Variants in NFS1 observed in about 807,000 individuals in gnomAD.
The protein encoded by NFS1 is NFS1 cysteine desulfurase.
Under a neutral mutation model 57.3 loss-of-function variants are expected in NFS1, and 26 were observed. That is an observed-to-expected ratio of 0.45 (90% CI 0.33 to 0.63). NFS1 has a LOEUF of 0.63. Among genes scored for constraint, NFS1 ranks in the 20% least tolerant of loss-of-function variants. The pLI, the probability that NFS1 is intolerant of heterozygous loss-of-function variation, is 0.02. For missense variants in NFS1, 505 were observed against 605.8 expected (o/e 0.83, Z 1.75); for synonymous variants, 209 against 216.3 (o/e 0.97, Z 0.30).
rs749792692 is a variant in NFS1, at chr20:35,696,350, A to G, written c.408+27T>C. 15 of 1,533,726 alleles carry G rather than the reference A, an allele frequency of 9.8e-6. No homozygotes were observed. The South Asian group carries it at 1.6e-4, about 16-fold the overall frequency. ...TATCTCCTAGGTCAGGAAAGCCCAC[A>G]TACACCCTCTGGTTCCCTTCTCTTA... On this transcript the variant is annotated intron_variant, in intron 4 of 12. Transcript: ENST00000374092.
At chr20:35,674,798 T>A (rs764570752) in intron 8 of NFS1, 181 bp from the exon 9 acceptor site, 12 of 678,218 alleles carry the variant, frequency 1.8e-5, no homozygotes, top group Non-Finnish European at 2.7e-5. Context: ...CAAAAGGCGC[T>A]TGATAACTGG....
At chr20:35,673,776 T>G in intron 10 of NFS1, 92 bp from the exon 11 acceptor site, 3 of 953,832 alleles carry the variant, frequency 3.1e-6, no homozygotes, top group Non-Finnish European at 5.0e-6. Flanking sequence ...CCCAGGGCCC[T>G]GGAGTCATAC....
Position 35,669,593 on chromosome 20 carries a change from G to C in NFS1, c.*29C>G, listed in dbSNP as rs199590926. 15 of 1,609,094 alleles carry C rather than the reference G, an allele frequency of 9.3e-6. No homozygotes were observed. The East Asian group carries it at 2.7e-4, about 29-fold the overall frequency. The stretch of plus-strand genomic sequence containing the variant: ...CGGGTTGGTGAGGCAGGAGGGGCCA[G>C]ACCAGCACAAAGTCAGGGCCCTATT... On this transcript the variant is annotated 3_prime_UTR_variant, in exon 13 of 13. Coordinates refer to ENST00000374092, the MANE Select transcript of NFS1 (RefSeq NM_021100.5).
At chr20:35,695,279 G>C (rs775372462) in intron 4 of NFS1, among the ~76,000 whole-genome samples, 15 of 152,236 alleles carry the variant, frequency 9.9e-5, no homozygotes, top group Non-Finnish European at 2.2e-4. Context: ...CAGGCAGAGT[G>C]CTGATGACCC....
rs752603906 is a variant in NFS1, at chr20:35,669,566, C to T, written c.*56G>A. 2.6e-6 allele frequency: 4 copies of T among 1,524,240 alleles called. No individual in the cohort carries two copies. Among genetic ancestry groups the T allele is most frequent in the Non-Finnish European group, 3.6e-6 (4 of 1,098,380 alleles). The allele number at this position is 1,524,240 out of a possible 1,614,324, so 94.4% of individuals were successfully genotyped here. ...AGGTGTAACAAGGTGTCTGGTTGTG[C>T]ACGGGTTGGTGAGGCAGGAGGGGCC... On this transcript the variant is annotated 3_prime_UTR_variant, in exon 13 of 13. Coordinates refer to ENST00000374092, the MANE Select transcript of NFS1 (RefSeq NM_021100.5).
At chr20:35,684,987 A>G (rs2146425967) in intron 5 of NFS1, among the ~76,000 whole-genome samples, 1 of 151,486 alleles carries the variant, frequency 6.6e-6, no homozygotes, top group South Asian at 2.1e-4. Context: ...CCCAGGTTCA[A>G]GTGGTTCTCC....
intron 5 of NFS1, among the ~76,000 whole-genome samples, chr20:35,683,406 C>T (rs530228967): frequency 1.7e-3 from 252 of 149,234 alleles, no homozygotes; most frequent in African/African-American, 6.0e-3. Context: ...CGCTTGAACC[C>T]GGGGGGCAGA....
intron 5 of NFS1, among the ~76,000 whole-genome samples, chr20:35,687,166 C>T (rs1255481468): frequency 6.6e-6 from 1 of 152,058 alleles, no homozygotes; most frequent in African/African-American, 2.4e-5. Flanking sequence ...CCCCTTTCCC[C>T]GGGGGAGTTT....
intron 1 of NFS1, 110 bp from the exon 2 acceptor site, chr20:35,698,700 G>T: frequency 6.9e-7 from 1 of 1,442,404 alleles, no homozygotes; most frequent in South Asian, 1.5e-5. Context: ...AAGTGTAAGG[G>T]ATGCTAGGGT....
At chr20:35,690,310 T>C in intron 5 of NFS1, 103 bp downstream of exon 5, 1 of 1,094,878 alleles carries the variant, frequency 9.1e-7, no homozygotes, top group Admixed American at 2.1e-5. Flanking sequence ...ATCCTAACTG[T>C]TAGATCTATT....
chr20:35,696,556 C>T (rs2035137256), intron 3 of NFS1, 96 bp from the exon 4 acceptor site: 5 of 814,654 alleles, frequency 6.1e-6, no homozygotes, highest in African/African-American at 3.4e-5. Context: ...AGAAGAGCTC[C>T]ACTGCATTCC....
chr20:35,686,885 T>A lies in NFS1; in HGVS notation c.561+3528A>T, dbSNP rs182131518. On this transcript the variant is annotated intron_variant, in intron 5 of 12. Coordinates refer to ENST00000374092, the MANE Select transcript of NFS1 (RefSeq NM_021100.5). ...ATTAGTTTGTAGTGATTACTCTTTA[T>A]TCTAATATTATAATAATCCTCGCTC... Among the ~76,000 whole-genome samples, 14 of 152,264 alleles carry A rather than the reference T, an allele frequency of 9.2e-5. No homozygotes were observed. The East Asian group carries it at 2.3e-3, about 25-fold the overall frequency.
intron 4 of NFS1, chr20:35,694,990 A>C (rs890340939): frequency 6.6e-6 from 1 of 152,140 alleles, no homozygotes; most frequent in Non-Finnish European, 1.5e-5. Flanking sequence ...CCACCCACCC[A>C]CCTTATTTTA....
chr20:35,690,357 A>G, intron 5 of NFS1, 56 bp downstream of exon 5: 3 of 1,562,978 alleles, frequency 1.9e-6, no homozygotes, highest in Non-Finnish European at 2.6e-6. Context: ...AGAGAAATTT[A>G]CAAGCTGAAG....
intron 7 of NFS1, among the ~76,000 whole-genome samples, chr20:35,678,626 C>T (rs2034797543): frequency 6.6e-6 from 1 of 151,982 alleles, no homozygotes; most frequent in African/African-American, 2.4e-5. Context: ...TCCCTTCAAC[C>T]TGGGAGGCAG....
intron 3 of NFS1, among the ~76,000 whole-genome samples, 158 bp downstream of exon 3, chr20:35,697,526 A>G (rs1229772678): frequency 6.6e-6 from 1 of 152,278 alleles, no homozygotes; most frequent in East Asian, 1.9e-4. Context: ...GAACCAATCA[A>G]ATGCCTGCAG....
chr20:35,671,919 T>C (rs556892458), intron 12 of NFS1, among the ~76,000 whole-genome samples: 12 of 151,918 alleles, frequency 7.9e-5, no homozygotes, highest in Non-Finnish European at 1.5e-4. Context: ...ACTACCTGCA[T>C]TACCTGCATT....
intron 7 of NFS1, among the ~76,000 whole-genome samples, chr20:35,676,772 A>AC (rs1456882478): frequency 6.7e-6 from 1 of 148,636 alleles, no homozygotes; most frequent in Non-Finnish European, 1.5e-5. Context: ...AAAAAAAAAA[A>AC]AAAAAAAAAA....
intron 8 of NFS1, 27 bp from the exon 9 acceptor site, chr20:35,674,644 G>C: frequency 6.4e-7 from 1 of 1,562,822 alleles, no homozygotes; most frequent in South Asian, 1.1e-5. Flanking sequence ...GAAGGATTAG[G>C]CAGTAACCAT....
Sources: gnomAD v4.1 joint callset for allele counts (sites outside exome capture counted in the v4.1 genomes callset) on GRCh38, gnomAD v4.1.1 for gene constraint, MANE v1.5 for transcripts, NCBI Gene and HGNC (gene_info 2026-07-23, HGNC 2026-07-21) for gene names.